KPNA6: variants seen among roughly 807,000 people sequenced by gnomAD.
The protein encoded by KPNA6 is karyopherin subunit alpha 6.
Under a neutral mutation model 72.0 loss-of-function variants are expected in KPNA6, and 9 were observed. The observed-to-expected ratio is 0.13, with a 90% CI of 0.08 to 0.22. KPNA6 has a LOEUF of 0.22. Among genes scored for constraint, KPNA6 ranks in the 10% least tolerant of loss-of-function variants. The pLI, the probability that KPNA6 is intolerant of heterozygous loss-of-function variation, is 1.00. For missense variants in KPNA6, 374 were observed against 655.7 expected (o/e 0.57, Z 4.69); for synonymous variants, 219 against 242.1 (o/e 0.90, Z 0.89).
intron 1 of KPNA6, among the ~76,000 whole-genome samples, chr1:32,136,918 T>C (rs756752663): frequency 9.8e-5 from 15 of 152,352 alleles, no homozygotes; most frequent in South Asian, 2.1e-4. Context: ...GTATTATTCG[T>C]TCTTGAAGCC....
rs1442993586 is a variant in KPNA6 at position 32,172,206 on chromosome 1, CCT to C, written c.*1317_*1318del. ...CAGGAGGCCTGAGCTTGGTCCTTTT[CCT>C]CTCTGCTTGGATTCTGGACCACCAC... is the stretch of plus-strand genomic sequence containing the variant. On this transcript the variant is annotated 3_prime_UTR_variant, in exon 14 of 14. Transcript: ENST00000373625. 2.6e-5 allele frequency: 4 copies of C among 152,056 alleles called. No individual in the cohort carries two copies. Among genetic ancestry groups the C allele is most frequent in the Admixed American group, 1.3e-4 (2 of 15,274 alleles). The allele number at this position is 152,056 out of a possible 1,614,324, so 9.4% of individuals were successfully genotyped here. A position where few individuals can be genotyped will look rare whatever the true frequency, so the allele number is the denominator to read the frequency against.
chr1:32,167,765 G>A (rs561924973), intron 12 of KPNA6, among the ~76,000 whole-genome samples: 1 of 151,464 alleles, frequency 6.6e-6, no homozygotes, highest in Non-Finnish European at 1.5e-5. Context: ...GAGATGGGAG[G>A]ATGGCTTGAG....
At chr1:32,137,942 C>T (rs897206123) in intron 1 of KPNA6, among the ~76,000 whole-genome samples, 1 of 152,062 alleles carries the variant, frequency 6.6e-6, no homozygotes, top group African/African-American at 2.4e-5. Flanking sequence ...CGAGACCAGC[C>T]TGGCCAACAT....
chr1:32,169,779 A>G (rs1642404693), intron 12 of KPNA6, 103 bp from the exon 13 acceptor site: 2 of 1,098,276 alleles, frequency 1.8e-6, no homozygotes, highest in Non-Finnish European at 2.6e-6. Context: ...TTAAAAATAA[A>G]AAAATAAATT....
intron 7 of KPNA6, among the ~76,000 whole-genome samples, chr1:32,161,349 A>G (rs970148119): frequency 6.6e-6 from 1 of 152,206 alleles, no homozygotes; most frequent in Non-Finnish European, 1.5e-5. Flanking sequence ...TTGCATACAT[A>G]CATCGGACAG....
rs1057190266 is a variant in KPNA6 at position 32,108,401 on chromosome 1, G to A, written c.4+267G>A. ...GGTGGCCTCGGGCAGGAGCCCACGT[G>A]TTCCTGGGAGGTAGAAAGGGGCCTA... On this transcript the variant is annotated intron_variant, in intron 1 of 13. Transcript: ENST00000373625. Among the ~76,000 whole-genome samples, 5 of 152,360 alleles carry A rather than the reference G, an allele frequency of 3.3e-5. No individual in the cohort carries two copies. The South Asian group carries it at 1.0e-3, about 32-fold the overall frequency.
chr1:32,134,894 AT>A (rs1234811166), intron 1 of KPNA6, among the ~76,000 whole-genome samples: 5 of 144,652 alleles, frequency 3.5e-5, no homozygotes, highest in South Asian at 2.2e-4. Context: ...AATTTTATTT[AT>A]TTTTTTTTTA....
chr1:32,154,592 C>T lies in KPNA6; in HGVS notation c.9C>T (p.Thr3=), dbSNP rs1642101260. The change falls in exon 2 of 14, where the codon ACC becomes ACT. Residue 3 remains threonine (T), a synonymous_variant. Coordinates refer to ENST00000373625, the MANE Select transcript of KPNA6 (RefSeq NM_012316.5). ...AGTGTGTATCTTTTCTTCTAGAGAC[C>T]ATGGCGAGCCCAGGGAAAGACAATT... ME[T]MASPGKDNYR... 1.2e-6 allele frequency: 2 copies of T among 1,613,082 alleles called. No homozygotes were observed. The highest frequency in any genetic ancestry group is 2.2e-5 in the East Asian group (1 of 44,842).
intron 1 of KPNA6, among the ~76,000 whole-genome samples, chr1:32,127,173 C>A (rs1308469541): frequency 6.6e-6 from 1 of 152,174 alleles, no homozygotes; most frequent in Non-Finnish European, 1.5e-5. Flanking sequence ...AGAAGCAAGA[C>A]TAAGATAGTG....
In KPNA6 at chr1:32,171,372, G is replaced by A. The variant is rs1389205301; in HGVS notation, c.*478G>A. 6.5e-6 allele frequency: 1 copy of A among 153,270 alleles called. No homozygotes were observed. Among genetic ancestry groups the A allele is most frequent in the African/African-American group, 2.4e-5 (1 of 41,458 alleles). The allele number at this position is 153,270 out of a possible 1,614,324, so 9.5% of individuals were successfully genotyped here. ...GGTATATTCCAGAGGTGGGAGGTGG[G>A]AGGGGAAGGGAGAAATCCAAAACAA... On this transcript the variant is annotated 3_prime_UTR_variant, in exon 14 of 14. Coordinates refer to ENST00000373625, the MANE Select transcript of KPNA6 (RefSeq NM_012316.5).
At chr1:32,164,583 C>T (rs1455958049) in intron 10 of KPNA6, among the ~76,000 whole-genome samples, 1 of 151,564 alleles carries the variant, frequency 6.6e-6, no homozygotes, top group Non-Finnish European at 1.5e-5. Flanking sequence ...TGATAATACC[C>T]ACCCTAATGG....
chr1:32,129,432 TTG>T (rs768067952), intron 1 of KPNA6, among the ~76,000 whole-genome samples: 1 of 152,164 alleles, frequency 6.6e-6, no homozygotes, highest in Non-Finnish European at 1.5e-5. Flanking sequence ...GCGGTTGTTT[TTG>T]TTTTTCCTTT....
intron 7 of KPNA6, among the ~76,000 whole-genome samples, chr1:32,161,406 T>C (rs1417592253): frequency 1.3e-5 from 2 of 152,204 alleles, no homozygotes; most frequent in Non-Finnish European, 2.9e-5. Flanking sequence ...CGTCATTGTA[T>C]CCTTCTCCCA....
intron 12 of KPNA6, among the ~76,000 whole-genome samples, chr1:32,167,947 T>A (rs1407126144): frequency 1.3e-5 from 2 of 151,852 alleles, no homozygotes; most frequent in Admixed American, 6.6e-5. Flanking sequence ...AGGAGGATCC[T>A]TTAAACCCAG....
At chr1:32,154,850 G>A in intron 2 of KPNA6, 129 bp downstream of exon 2, 1 of 939,038 alleles carries the variant, frequency 1.1e-6, no homozygotes, top group Middle Eastern at 3.5e-4. Context: ...GCTCATGTCT[G>A]TAATCCCAGC....
intron 1 of KPNA6, among the ~76,000 whole-genome samples, chr1:32,123,858 AC>A (rs1240742720): frequency 1.3e-5 from 2 of 151,402 alleles, no homozygotes; most frequent in Admixed American, 1.3e-4. Context: ...ACATGGTGAA[AC>A]CCCATCTCTA....
intron 1 of KPNA6, among the ~76,000 whole-genome samples, chr1:32,131,420 A>G (rs1002082233): frequency 1.3e-5 from 2 of 152,178 alleles, no homozygotes; most frequent in Non-Finnish European, 2.9e-5. Flanking sequence ...AGGCCAAGGC[A>G]GGAAGATCAC....
chr1:32,122,910 T>C (rs998398669), intron 1 of KPNA6, among the ~76,000 whole-genome samples: 1 of 147,152 alleles, frequency 6.8e-6, no homozygotes, highest in African/African-American at 2.5e-5. Context: ...TGAGCCGAGA[T>C]CGTGCCATTG....
intron 1 of KPNA6, among the ~76,000 whole-genome samples, chr1:32,125,979 T>TA (rs75504815): frequency 0.086 from 8,480 of 98,880 alleles, 337 homozygotes; most frequent in Middle Eastern, 0.16. Flanking sequence ...CTATATTTAC[T>TA]AAAAAAAAAA....
Sources: gnomAD v4.1 joint callset for allele counts (sites outside exome capture counted in the v4.1 genomes callset) on GRCh38, gnomAD v4.1.1 for gene constraint, MANE v1.5 for transcripts, NCBI Gene and HGNC (gene_info 2026-07-23, HGNC 2026-07-21) for gene names.